Variants in ZMPSTE24 observed in about 807,000 individuals in gnomAD.
ZMPSTE24 encodes CAAX prenyl protease 1 homolog.
ZMPSTE24 carries 48 observed loss-of-function variants against 56.7 expected under a neutral mutation model. The ratio of observed to expected loss-of-function variants is 0.85; its 90% CI spans 0.67 to 1.08. ZMPSTE24 has a LOEUF of 1.08. Ranked by LOEUF, ZMPSTE24 falls within the 50% of genes least tolerant of loss-of-function variation. The probability of loss-of-function intolerance (pLI) is 0.00; values close to 1 mark genes in which losing one functional copy is unlikely to be tolerated. For synonymous variants in ZMPSTE24, 172 were observed against 195.2 expected (o/e 0.88, Z 0.99); for missense variants, 503 against 548.7 (o/e 0.92, Z 0.83).
Position 40,271,875 on chromosome 1 carries a change from T to C in ZMPSTE24, c.628-19T>C, listed in dbSNP as rs1307710185. ...CTTTAAGAACATGTTCATATGTTAT[T>C]CTGACATTTACTTTTCAGGTTCTTG... On this transcript the variant is annotated intron_variant, in intron 5 of 9. Coordinates refer to ENST00000372759, the MANE Select transcript of ZMPSTE24 (RefSeq NM_005857.5). 1.9e-6 allele frequency: 3 copies of C among 1,612,810 alleles called. No homozygotes were observed. In the East Asian group the frequency reaches 6.7e-5, roughly 36 times the overall value.
At chr1:40,262,996 C>G in intron 2 of ZMPSTE24, 1 of 994,580 alleles carries the variant, frequency 1.0e-6, no homozygotes, top group Non-Finnish European at 1.2e-6. Context: ...AGACACTATT[C>G]TCTTTCTGAT....
At chr1:40,287,955 T>A (rs1293920307) in intron 8 of ZMPSTE24, among the ~76,000 whole-genome samples, 3 of 151,906 alleles carry the variant, frequency 2.0e-5, no homozygotes, top group African/African-American at 7.3e-5. Context: ...CGAGGGAAGA[T>A]CATCTGAGGC....
Position 40,258,258 on chromosome 1 carries a change from G to A in ZMPSTE24, c.-14G>A, listed in dbSNP as rs768659545. On this transcript the variant is annotated 5_prime_UTR_variant, in exon 1 of 10. Transcript: ENST00000372759. ...ACCGGTGCACGCTGAAGGAGCCGGC[G>A]GAACCGGGTGGCCATGGGGATGTGG... 6.2e-7 allele frequency: 1 copy of A among 1,613,142 alleles called. No homozygotes were observed.
chr1:40,287,694 G>T (rs1250111421), intron 8 of ZMPSTE24, among the ~76,000 whole-genome samples: 1 of 148,124 alleles, frequency 6.8e-6, no homozygotes, highest in Non-Finnish European at 1.5e-5. Flanking sequence ...AAAAAAAGTT[G>T]CCATATATTC....
intron 6 of ZMPSTE24, among the ~76,000 whole-genome samples, chr1:40,272,523 GATTACCAA>G (rs757723475): frequency 5.3e-5 from 8 of 152,166 alleles, no homozygotes; most frequent in Admixed American, 5.2e-4. Flanking sequence ...CCTGAAGATT[GATTACCAA>G]AGACTGCAGT....
intron 2 of ZMPSTE24, among the ~76,000 whole-genome samples, chr1:40,267,332 G>GTTATTTTATTTTATTTTATT (rs71060361): frequency 6.3e-4 from 87 of 137,498 alleles, no homozygotes; most frequent in Middle Eastern, 7.2e-3. Context: ...ATTTTATTTT[G>GTTATTTTATTTTATTTTATT]TTATTTTATT....
intron 8 of ZMPSTE24, among the ~76,000 whole-genome samples, chr1:40,287,919 G>A (rs540892070): frequency 3.3e-5 from 5 of 152,152 alleles, no homozygotes; most frequent in Non-Finnish European, 7.4e-5. Context: ...GCTCATGCCT[G>A]TAATCCCAAT....
chr1:40,269,815 T>G (rs1480535664), intron 4 of ZMPSTE24, among the ~76,000 whole-genome samples, 160 bp from the exon 5 acceptor site: 2 of 152,232 alleles, frequency 1.3e-5, no homozygotes, highest in Non-Finnish European at 2.9e-5. Flanking sequence ...GCAAGACATT[T>G]ACCCATTGTC....
intron 5 of ZMPSTE24, among the ~76,000 whole-genome samples, chr1:40,270,801 A>G (rs79638111): frequency 0.011 from 1,608 of 151,948 alleles, 25 homozygotes; most frequent in Non-Finnish European, 0.015. Context: ...GCTTCACAAC[A>G]CAAACACTAC....
At chr1:40,271,401 A>G (rs1232578852) in intron 5 of ZMPSTE24, among the ~76,000 whole-genome samples, 2 of 152,228 alleles carry the variant, frequency 1.3e-5, no homozygotes, top group African/African-American at 2.4e-5. Flanking sequence ...AGGAAGTGCT[A>G]TTTCAACCAC....
intron 2 of ZMPSTE24, among the ~76,000 whole-genome samples, chr1:40,262,138 G>T (rs1404426801): frequency 6.6e-6 from 1 of 152,172 alleles, no homozygotes; most frequent in Admixed American, 6.5e-5. Context: ...TGTTTCATGA[G>T]TTAAAGAAAC....
At chr1:40,267,692 G>A in intron 2 of ZMPSTE24, 94 bp from the exon 3 acceptor site, 1 of 1,032,142 alleles carries the variant, frequency 9.7e-7, no homozygotes, top group Non-Finnish European at 1.5e-6. Flanking sequence ...TAATAGAGAT[G>A]ATTATTTTGT....
At chr1:40,259,743 T>C (rs1173103884) in intron 1 of ZMPSTE24, among the ~76,000 whole-genome samples, 1 of 152,150 alleles carries the variant, frequency 6.6e-6, no homozygotes, top group Non-Finnish European at 1.5e-5. Flanking sequence ...TCTGAGTTGC[T>C]AGGACCACAG....
At chr1:40,285,375 G>A (rs543610244) in intron 7 of ZMPSTE24, among the ~76,000 whole-genome samples, 1 of 152,110 alleles carries the variant, frequency 6.6e-6, no homozygotes, top group African/African-American at 2.4e-5. Context: ...AAAGTGCTGG[G>A]ATTGCAGGCA....
chr1:40,264,134 G>C (rs1363614885), intron 2 of ZMPSTE24, among the ~76,000 whole-genome samples: 1 of 152,148 alleles, frequency 6.6e-6, no homozygotes, highest in African/African-American at 2.4e-5. Context: ...AGAAGTTTGA[G>C]ACCAGCCTGA....
Position 40,292,433 on chromosome 1 carries a change from TTTCTTTTTCAGG to T in ZMPSTE24, c.1204-5_1210del, listed in dbSNP as rs312262689. 9.3e-6 allele frequency: 15 copies of T among 1,612,866 alleles called. No homozygotes were observed. Among genetic ancestry groups the T allele is most frequent in the Non-Finnish European group, 1.3e-5 (15 of 1,179,842 alleles). ...TGGGCAGTGGCTAAAACCCTTTCATTTTCTTTTTCAGGTTCTTTCTTTTTGCCTAACAGTCCT... is the reference window on the plus strand; with the variant it reads ...TGGGCAGTGGCTAAAACCCTTTCATTTTCTTTCTTTTTGCCTAACAGTCCT... On this transcript the variant is annotated splice_acceptor_variant and splice_polypyrimidine_tract_variant and coding_sequence_variant and intron_variant, in exon 10 of 10. Coordinates refer to ENST00000372759, the MANE Select transcript of ZMPSTE24 (RefSeq NM_005857.5). LOFTEE classifies it high-confidence loss of function.
At chr1:40,268,615 C>CAGTACAGG in intron 4 of ZMPSTE24, 80 bp downstream of exon 4, 1 of 922,138 alleles carries the variant, frequency 1.1e-6, no homozygotes, top group Non-Finnish European at 1.7e-6. Context: ...ATAATTTAAA[C>CAGTACAGG]ATAATTTACT....
intron 2 of ZMPSTE24, among the ~76,000 whole-genome samples, chr1:40,263,232 G>A (rs1289885846): frequency 6.6e-6 from 1 of 152,192 alleles, no homozygotes; most frequent in Non-Finnish European, 1.5e-5. Context: ...ATGTACTGTG[G>A]CTCAAACTAG....
At chr1:40,265,060 A>C (rs1643536196) in intron 2 of ZMPSTE24, among the ~76,000 whole-genome samples, 1 of 152,066 alleles carries the variant, frequency 6.6e-6, no homozygotes, top group Admixed American at 6.6e-5. Context: ...AAAAGAAACT[A>C]AACATGCTTT....
Sources: allele counts gnomAD v4.1 joint callset (sites outside exome capture counted in the v4.1 genomes callset), GRCh38; gene constraint gnomAD v4.1.1; transcripts MANE v1.5; gene names NCBI Gene and HGNC (gene_info 2026-07-23, HGNC 2026-07-21).